Variants in MYT1L observed in about 807,000 individuals in gnomAD.
MYT1L encodes the protein myelin transcription factor 1-like protein.
Under a neutral mutation model 126.7 loss-of-function variants are expected in MYT1L, and 12 were observed. The ratio of observed to expected loss-of-function variants is 0.09; its 90% CI spans 0.06 to 0.15. The LOEUF is 0.15. Among genes scored for constraint, MYT1L ranks in the 10% least tolerant of loss-of-function variants. MYT1L has a pLI of 1.00. For missense variants in MYT1L, 979 were observed against 1,585.2 expected, an observed-to-expected ratio of 0.62 and a Z score of 6.49; for synonymous variants, 541 against 604.2, an observed-to-expected ratio of 0.90 and a Z score of 1.53.
rs560489641 is a variant in MYT1L, at chr2:1,936,541, G to A, written c.505+6441C>T. The stretch of plus-strand genomic sequence containing the variant: ...AATCATCATATTCTTTCTCCCAACT[G>A]TGTCCACAGTCTTCCTCTGGTTGAA... On this transcript the variant is annotated intron_variant, in intron 9 of 24. Transcript: ENST00000647738. 6.6e-5 allele frequency among the ~76,000 whole-genome samples: 10 copies of A among 152,270 alleles called. No homozygotes were observed. In the East Asian group the frequency reaches 1.7e-3, roughly 26 times the overall value.
chr2:1,841,385 C>T (rs7602414), intron 19 of MYT1L: 69,158 of 149,018 alleles, frequency 0.46, 17,764 homozygotes, highest in African/African-American at 0.71. Flanking sequence ...AGGATGGTCT[C>T]GATCTCCTGA....
In MYT1L at chr2:1,923,019, A is replaced by C; in HGVS notation, c.750T>G (p.Ser250Arg). The stretch of plus-strand genomic sequence containing the variant: ...TAACAACATCACTGTCTAAGTCTAA[A>C]CTCAACTCACTTTTCCGACCCAGGT... The part of the protein sequence containing the change: ...NENLGRKSEL[S>R]LDLDSDVVRE... The change falls in exon 10 of 25, where the codon AGT (serine) becomes AGG (arginine). Residue 250 changes from serine to arginine, a missense_variant. By Grantham distance (110) the Ser-to-Arg change is moderately radical (BLOSUM62 -1). Around this residue, in one of 12 missense-constraint regions of MYT1L, gnomAD observed 243 missense variants for 363.9 expected, o/e 0.67. Transcript: ENST00000647738. The C allele has an allele frequency of 6.2e-7, 1 of 1,613,918 alleles. No individual in the cohort carries two copies. The highest frequency in any genetic ancestry group is 8.5e-7 in the Non-Finnish European group (1 of 1,179,882).
chr2:1,812,200 C>T (rs867974438), intron 21 of MYT1L, among the ~76,000 whole-genome samples: 2 of 152,138 alleles, frequency 1.3e-5, no homozygotes, highest in African/African-American at 2.4e-5. Flanking sequence ...GACCTCACAC[C>T]GCACCCCCTG....
intron 2 of MYT1L, among the ~76,000 whole-genome samples, chr2:2,227,334 C>T (rs2094036294): frequency 6.6e-6 from 1 of 152,158 alleles, no homozygotes; most frequent in Non-Finnish European, 1.5e-5. Context: ...ATTCAATGAC[C>T]CACTTGACAT....
At chr2:2,262,577 C>T (rs537059582) in intron 2 of MYT1L, among the ~76,000 whole-genome samples, 1 of 150,984 alleles carries the variant, frequency 6.6e-6, no homozygotes, top group South Asian at 2.1e-4. Context: ...CCTGTGGTCC[C>T]AGCTACTCAG....
At chr2:1,864,449 G>A (rs953618921) in intron 18 of MYT1L, among the ~76,000 whole-genome samples, 2 of 152,134 alleles carry the variant, frequency 1.3e-5, no homozygotes, top group Non-Finnish European at 1.5e-5. Flanking sequence ...GGCATGTGCC[G>A]ACTTCGTGTC....
intron 21 of MYT1L, among the ~76,000 whole-genome samples, chr2:1,826,376 G>A (rs146831710): frequency 1.1e-4 from 16 of 152,270 alleles, no homozygotes; most frequent in African/African-American, 3.4e-4. Context: ...GCTGGGGGGC[G>A]GGCGAATGTG....
chr2:2,235,586 T>A (rs1203263215), intron 2 of MYT1L, among the ~76,000 whole-genome samples: 1 of 152,226 alleles, frequency 6.6e-6, no homozygotes, highest in African/African-American at 2.4e-5. Flanking sequence ...ACAGAGGTTG[T>A]ATTTCTTGGT....
intron 2 of MYT1L, among the ~76,000 whole-genome samples, chr2:2,208,062 A>G (rs928254110): frequency 6.6e-6 from 1 of 152,036 alleles, no homozygotes; most frequent in Non-Finnish European, 1.5e-5. Context: ...TTGTCCATGT[A>G]CACTGCAGTG....
intron 3 of MYT1L, among the ~76,000 whole-genome samples, chr2:2,126,189 G>A (rs1334840122): frequency 6.6e-6 from 1 of 152,122 alleles, no homozygotes; most frequent in African/African-American, 2.4e-5. Context: ...TGTCTTTCTG[G>A]TCAAGCTGCT....
intron 1 of MYT1L, among the ~76,000 whole-genome samples, chr2:2,293,127 G>A (rs1004854525): frequency 6.6e-5 from 10 of 152,232 alleles, no homozygotes; most frequent in Admixed American, 5.2e-4. Context: ...CAGCTTAGCA[G>A]CTCGGGGAAG....
At chr2:2,048,265 A>G (rs2068423455) in intron 4 of MYT1L, among the ~76,000 whole-genome samples, 1 of 152,200 alleles carries the variant, frequency 6.6e-6, no homozygotes, top group South Asian at 2.1e-4. Flanking sequence ...AAACTTATAA[A>G]AGAATTCTGA....
At position 2,051,994 on chromosome 2, in the gene MYT1L, T is replaced by G. The variant is rs1465096534; in HGVS notation, c.-158+1984A>C. Among the ~76,000 whole-genome samples the G allele has an allele frequency of 2.6e-5, 4 of 152,158 alleles. No homozygotes were observed. The East Asian group carries it at 7.7e-4, about 29-fold the overall frequency. ...TAAGAGATCCCCAAATAGCCAAAAC[T>G]ATATTGAAAAAGAACATAGTTAGAA... On this transcript the variant is annotated intron_variant, in intron 4 of 24. Transcript: ENST00000647738.
chr2:2,110,114 G>A (rs2079251721), intron 3 of MYT1L, among the ~76,000 whole-genome samples: 1 of 151,436 alleles, frequency 6.6e-6, no homozygotes, highest in South Asian at 2.1e-4. Context: ...AAGCCTCTGA[G>A]GACCTTTGTC....
At chr2:2,007,448 T>C (rs2063442209) in intron 4 of MYT1L, among the ~76,000 whole-genome samples, 1 of 152,230 alleles carries the variant, frequency 6.6e-6, no homozygotes, top group South Asian at 2.1e-4. Context: ...ACAGAAACTG[T>C]CTGTGCCTTT....
At chr2:2,132,278 C>T (rs2082470768) in intron 3 of MYT1L, among the ~76,000 whole-genome samples, 1 of 152,040 alleles carries the variant, frequency 6.6e-6, no homozygotes, top group Non-Finnish European at 1.5e-5. Flanking sequence ...CACATGCACA[C>T]ATACGTTTAT....
chr2:2,149,898 C>T (rs2085467501), intron 3 of MYT1L, among the ~76,000 whole-genome samples: 1 of 152,240 alleles, frequency 6.6e-6, no homozygotes, highest in Admixed American at 6.5e-5. Context: ...GTGTGGGATC[C>T]TGAAGTCCTG....
chr2:2,132,000 G>A (rs932259797), intron 3 of MYT1L, among the ~76,000 whole-genome samples: 2 of 142,736 alleles, frequency 1.4e-5, no homozygotes, highest in Non-Finnish European at 3.0e-5. Flanking sequence ...CCTCCAACTC[G>A]CTGGTTCAAG....
chr2:2,078,595 G>T (rs2075469931), intron 3 of MYT1L, among the ~76,000 whole-genome samples: 1 of 152,058 alleles, frequency 6.6e-6, no homozygotes, highest in Non-Finnish European at 1.5e-5. Context: ...GTGCAAAAAA[G>T]GATATTTTAT....
Sources: gnomAD v4.1 joint callset for allele counts (sites outside exome capture counted in the v4.1 genomes callset) on GRCh38, gnomAD v4.1.1 for gene constraint, gnomAD v4.1.1 regional missense constraint, MANE v1.5 for transcripts, NCBI Gene and HGNC (gene_info 2026-07-23, HGNC 2026-07-21) for gene names.